The following PTK2 variants were observed in gnomAD, a reference collection of about 807,000 sequenced individuals.
PTK2 encodes focal adhesion kinase 1.
A neutral mutation model predicts 150.1 loss-of-function variants in PTK2; 45 were observed. The ratio of observed to expected loss-of-function variants is 0.30; its 90% confidence interval spans 0.24 to 0.38. The LOEUF is 0.38. PTK2 is among the 10% of genes least tolerant of loss of function. The probability of loss-of-function intolerance (pLI) is 1.00; values close to 1 mark genes in which losing one functional copy is unlikely to be tolerated. For missense variants in PTK2, 919 were observed against 1,307.3 expected, an observed-to-expected ratio of 0.70 and a Z score of 4.58; for synonymous variants, 432 against 449.2, an observed-to-expected ratio of 0.96 and a Z score of 0.48.
intron 26 of PTK2, among the ~76,000 whole-genome samples, chr8:140,700,612 T>C (rs2100029669): frequency 6.6e-6 from 1 of 151,752 alleles, no homozygotes; most frequent in Admixed American, 6.6e-5. Context: ...GCCTCCCAAG[T>C]AGCTGGGATT....
At chr8:140,947,482 A>G (rs573004310) in intron 1 of PTK2, among the ~76,000 whole-genome samples, 5 of 152,170 alleles carry the variant, frequency 3.3e-5, no homozygotes, top group Non-Finnish European at 7.3e-5. Flanking sequence ...GCAAACCAAC[A>G]TATCACTCCA....
chr8:140,782,155 A>G (rs2100082058), intron 14 of PTK2, among the ~76,000 whole-genome samples: 1 of 152,066 alleles, frequency 6.6e-6, no homozygotes, highest in Non-Finnish European at 1.5e-5. Flanking sequence ...CTTTGTGCAC[A>G]TAAAAATTAT....
Position 140,662,762 on chromosome 8 carries a change from T to C in PTK2, c.2946+2155A>G, listed in dbSNP as rs575702434. 1.1e-5 allele frequency: 6 copies of C among 569,082 alleles called. No homozygotes were observed. The Admixed American group carries it at 1.1e-4, about 10-fold the overall frequency. The allele number at this position is 569,082 out of a possible 1,614,324, so 35.3% of individuals were successfully genotyped here. On this transcript the variant is annotated intron_variant, in intron 31 of 31. Transcript: ENST00000522684. ...TCTCTGGGTATGATGCTGAGAAGGATTCAGCATTATTTATGTTGTATTCCT... is the reference window on the plus strand; with the variant it reads ...TCTCTGGGTATGATGCTGAGAAGGACTCAGCATTATTTATGTTGTATTCCT...
At chr8:140,955,673 G>T (rs965178285) in intron 1 of PTK2, among the ~76,000 whole-genome samples, 1 of 152,170 alleles carries the variant, frequency 6.6e-6, no homozygotes, top group Non-Finnish European at 1.5e-5. Flanking sequence ...AAACTTGGGG[G>T]AAATGAACGA....
At chr8:140,674,373 G>C (rs1222242161) in exon 29 of PTK2, 2 of 1,604,288 alleles carry the variant, frequency 1.2e-6, no homozygotes, top group South Asian at 2.3e-5. Flanking sequence ...GAGCTCCAGG[G>C]CGAGGCGGTT....
intron 1 of PTK2, among the ~76,000 whole-genome samples, chr8:140,964,540 C>A (rs939604403): frequency 1.7e-4 from 26 of 149,010 alleles, no homozygotes; most frequent in Non-Finnish European, 3.4e-4. Flanking sequence ...ACCCCCAGCC[C>A]CAGGTAATTT....
At chr8:140,849,566 T>C (rs752489266) in intron 5 of PTK2, among the ~76,000 whole-genome samples, 9 of 152,206 alleles carry the variant, frequency 5.9e-5, no homozygotes, top group Non-Finnish European at 1.3e-4. Flanking sequence ...ACATGTAATA[T>C]CTCATTTAAT....
At chr8:140,970,200 A>G (rs939674093) in intron 1 of PTK2, among the ~76,000 whole-genome samples, 2 of 152,236 alleles carry the variant, frequency 1.3e-5, no homozygotes, top group Non-Finnish European at 2.9e-5. Flanking sequence ...TGCTTCCTGG[A>G]CCTTCAATTC....
chr8:140,778,872 T>C (rs570784383), intron 14 of PTK2, among the ~76,000 whole-genome samples: 2 of 152,202 alleles, frequency 1.3e-5, no homozygotes, highest in East Asian at 1.9e-4. Flanking sequence ...AGGGTTTTCT[T>C]AAAATTGAAA....
At chr8:140,770,915 G>T in intron 14 of PTK2, 116 bp from the exon 15 acceptor site, 2 of 333,034 alleles carry the variant, frequency 6.0e-6, no homozygotes, top group Non-Finnish European at 1.0e-5. Context: ...AAATTGCAAT[G>T]CTTTTATTTT....
intron 22 of PTK2, among the ~76,000 whole-genome samples, chr8:140,723,698 T>C (rs540055338): frequency 6.4e-4 from 98 of 152,350 alleles, no homozygotes; most frequent in African/African-American, 2.2e-3. Context: ...TTTCCCAGAA[T>C]GGTGGTTTCC....
intron 26 of PTK2, among the ~76,000 whole-genome samples, chr8:140,691,472 T>G (rs1193448231): frequency 1.3e-5 from 2 of 152,174 alleles, no homozygotes; most frequent in Non-Finnish European, 2.9e-5. Context: ...CTGTATAATA[T>G]ATTGTTGTAA....
At chr8:140,947,919 T>C (rs2100178234) in intron 1 of PTK2, among the ~76,000 whole-genome samples, 1 of 152,194 alleles carries the variant, frequency 6.6e-6, no homozygotes, top group African/African-American at 2.4e-5. Flanking sequence ...CCCAAGGGGC[T>C]ATTTCTCTAG....
intron 14 of PTK2, among the ~76,000 whole-genome samples, chr8:140,785,886 T>C (rs1000126110): frequency 6.6e-6 from 1 of 152,238 alleles, no homozygotes; most frequent in African/African-American, 2.4e-5. Context: ...TGAAGGGCTT[T>C]ACAATCCCAC....
At chr8:140,658,728 T>C (rs1255235973) in exon 32 of PTK2, 1 of 219,352 alleles carries the variant, frequency 4.6e-6, no homozygotes, top group Middle Eastern at 1.4e-3. Context: ...GGAGGTGCTC[T>C]GGTACAAAGC....
At chr8:140,766,308 AGCT>A (rs2100072244) in intron 14 of PTK2, among the ~76,000 whole-genome samples, 2 of 152,182 alleles carry the variant, frequency 1.3e-5, no homozygotes, top group Non-Finnish European at 2.9e-5. Context: ...AAGGGCATAA[AGCT>A]GCTGCTAACA....
intron 1 of PTK2, among the ~76,000 whole-genome samples, chr8:140,995,989 A>G (rs2100197579): frequency 6.6e-6 from 1 of 152,118 alleles, no homozygotes; most frequent in Non-Finnish European, 1.5e-5. Flanking sequence ...GTAGGCCGAC[A>G]CCCGAGAACC....
At position 140,697,852 on chromosome 8, in the gene PTK2, G is replaced by GTTTTTT. The variant is rs71308981; in HGVS notation, c.2499+3033_2499+3038dup. Among the ~76,000 whole-genome samples the GTTTTTT allele has an allele frequency of 8.1e-4, 39 of 48,024 alleles. 4 individuals are homozygous for GTTTTTT. Among genetic ancestry groups the GTTTTTT allele is most frequent in the African/African-American group, 2.6e-3 (29 of 11,054 alleles). The allele number at this position is 48,024 out of a possible 152,430, so 31.5% of individuals were successfully genotyped here. A position where few individuals can be genotyped will look rare whatever the true frequency, so the allele number is the denominator to read the frequency against. Reference sequence around the variant, plus strand: ...GATCCTCCTCCCTTTAGGGTTTACTGTTTTTTTTTTTTTTTTTTTTTTTTT... The same window carrying GTTTTTT: ...GATCCTCCTCCCTTTAGGGTTTACTGTTTTTTTTTTTTTTTTTTTTTTTTTTTTTTT... On this transcript the variant is annotated intron_variant, in intron 26 of 31. Coordinates refer to ENST00000522684, the Ensembl canonical transcript of PTK2.
chr8:140,956,643 T>C (rs534740944), intron 1 of PTK2, among the ~76,000 whole-genome samples: 3 of 152,350 alleles, frequency 2.0e-5, no homozygotes, highest in Admixed American at 1.3e-4. Context: ...ATGTGTGTTA[T>C]TGCCCCTAAA....
Sources: allele counts gnomAD v4.1 joint callset (sites outside exome capture counted in the v4.1 genomes callset), GRCh38; gene constraint gnomAD v4.1.1; transcripts MANE v1.5; gene names NCBI Gene and HGNC (gene_info 2026-07-23, HGNC 2026-07-21).